Variants in MTMR10 observed in about 807,000 individuals in gnomAD.
The protein encoded by MTMR10 is myotubularin related protein 10.
In MTMR10, 56 loss-of-function variants were observed where a neutral mutation model predicts 88.1. The ratio of observed to expected loss-of-function variants is 0.64; its 90% CI spans 0.51 to 0.79. MTMR10 has a LOEUF of 0.79. MTMR10 is among the 30% of genes least tolerant of loss of function. The probability of loss-of-function intolerance (pLI) is 0.00; values close to 1 mark genes in which losing one functional copy is unlikely to be tolerated. For synonymous variants in MTMR10, 380 were observed against 340.9 expected (o/e 1.11, Z -1.26); for missense variants, 883 against 924.7 (o/e 0.95, Z 0.58).
the MTMR10 span, among the ~76,000 whole-genome samples, chr15:30,932,970 T>A: frequency 6.6e-6 from 1 of 152,024 alleles, no homozygotes; most frequent in Admixed American, 6.5e-5. Context: ...TCTGCCCACC[T>A]TGGCCTCCCA....
chr15:30,941,465 CT>C lies in MTMR10; in HGVS notation c.*4del, dbSNP rs1566941956. Reference sequence around the variant, plus strand: ...TCCCTCAAAATGTTCAGAAAACACCCTATTTTAGTCTTCATTTGCTAATGTC... The same window carrying C: ...TCCCTCAAAATGTTCAGAAAACACCCATTTTAGTCTTCATTTGCTAATGTC... On this transcript the variant is annotated 3_prime_UTR_variant, in exon 16 of 16. Transcript: ENST00000435680. 6.3e-7 allele frequency: 1 copy of C among 1,597,128 alleles called. No homozygotes were observed. Among genetic ancestry groups the C allele is most frequent in the Admixed American group, 1.7e-5 (1 of 57,806 alleles).
At chr15:30,944,033 C>A (rs117916281) in intron 14 of MTMR10, 68,791 of 981,210 alleles carry the variant, frequency 0.07, 2,600 homozygotes, top group Non-Finnish European at 0.078. Context: ...AAAAAAAACC[C>A]CCAAGAATTT....
At chr15:30,955,437 A>C (rs2063310517) in intron 9 of MTMR10, among the ~76,000 whole-genome samples, 1 of 151,976 alleles carries the variant, frequency 6.6e-6, no homozygotes, top group Non-Finnish European at 1.5e-5. Context: ...CACCTGGCTA[A>C]ATTTCTGTAT....
At chr15:30,937,235 T>C (rs1223570885), downstream of MTMR10, 2 of 1,613,898 alleles carry the variant, frequency 1.2e-6, no homozygotes, top group East Asian at 2.2e-5. Context: ...CAGTTGGAGC[T>C]AAGAGCCAAA....
At chr15:30,984,813 G>C (rs758244241) in intron 2 of MTMR10, among the ~76,000 whole-genome samples, 1 of 152,078 alleles carries the variant, frequency 6.6e-6, no homozygotes, top group East Asian at 1.9e-4. Flanking sequence ...TCAGCACAGG[G>C]GCCCAGGCTC....
rs778793886 is a variant in MTMR10, at chr15:30,947,139, C to T, written c.1539G>A (p.Lys513=). 5 of 1,604,974 alleles carry T rather than the reference C, an allele frequency of 3.1e-6. No homozygotes were observed. Among genetic ancestry groups the T allele is most frequent in the Non-Finnish European group, 8.5e-7 (1 of 1,176,660 alleles). Residue 513 remains lysine (K), a synonymous_variant, in exon 14 of 16, where the codon AAG becomes AAA. Transcript: ENST00000435680. Reference sequence around the variant, plus strand: ...CCACAGGGTTGCTTACCGTGCTTTGCTTCACTCGCTGGTGAGGGGAGTTGA... The same window carrying T: ...CCACAGGGTTGCTTACCGTGCTTTGTTTCACTCGCTGGTGAGGGGAGTTGA... ...FLFNSPHQRV[K]QSTEFAISKN... is the part of the protein sequence containing the mutation.
At chr15:30,927,966 T>C in the MTMR10 span, 1 of 985,760 alleles carries the variant, frequency 1.0e-6, no homozygotes, top group Non-Finnish European at 1.2e-6. Context: ...AAGTGGGTGA[T>C]CTTTAAGGCC....
At position 30,941,889 on chromosome 15, in the gene MTMR10, C is replaced by A. The variant is rs761977871; in HGVS notation, c.1915G>T (p.Ala639Ser). 2 of 1,613,980 alleles carry A rather than the reference C, an allele frequency of 1.2e-6. No homozygotes were observed. Among genetic ancestry groups the A allele is most frequent in the Admixed American group, 3.3e-5 (2 of 60,024 alleles). Residue 639 changes from alanine to serine, a missense_variant, in exon 16 of 16, where the codon GCC (alanine) becomes TCC (serine). Ala to Ser is a moderately conservative substitution (Grantham distance 99, BLOSUM62 1). Transcript: ENST00000435680. ...QYFREWFSKP[A>S]NLHGVILPRV... ...GGCAGAATAACACCGTGCAGGTTGGCGGGTTTGGAAAACCATTCTCTAAAA... is the reference window on the plus strand; with the variant it reads ...GGCAGAATAACACCGTGCAGGTTGGAGGGTTTGGAAAACCATTCTCTAAAA...
At chr15:30,947,021 A>G in intron 14 of MTMR10, 109 bp downstream of exon 14, 1 of 1,356,198 alleles carries the variant, frequency 7.4e-7, no homozygotes, top group Non-Finnish European at 1.0e-6. Flanking sequence ...AATGGCAGTA[A>G]GAATTTTAAA....
At position 30,940,104 on chromosome 15, in the gene MTMR10, A is replaced by C; in HGVS notation, c.*1366T>G. On this transcript the variant is annotated 3_prime_UTR_variant, in exon 16 of 16. Transcript: ENST00000435680. Reference sequence around the variant, plus strand: ...GCTAACTAGACACTTTACTATAAAAATTTTCCATATCTTAGGATGGCAGTT... The same window carrying C: ...GCTAACTAGACACTTTACTATAAAACTTTTCCATATCTTAGGATGGCAGTT... 1.0e-6 allele frequency: 1 copy of C among 985,158 alleles called. No individual in the cohort carries two copies. The highest frequency in any genetic ancestry group is 1.2e-6 in the Non-Finnish European group (1 of 829,674). The allele number at this position is 985,158 out of a possible 1,614,324, so 61.0% of individuals were successfully genotyped here. A position where few individuals can be genotyped will look rare whatever the true frequency, so the allele number is the denominator to read the frequency against.
chr15:30,966,767 CTT>C (rs1393619373), intron 6 of MTMR10, among the ~76,000 whole-genome samples: 12 of 151,590 alleles, frequency 7.9e-5, no homozygotes, highest in Non-Finnish European at 1.8e-4. Flanking sequence ...GTTACAAATA[CTT>C]TTGTTATACA....
At chr15:30,978,672 A>G (rs762397416) in intron 2 of MTMR10, among the ~76,000 whole-genome samples, 2 of 152,218 alleles carry the variant, frequency 1.3e-5, no homozygotes, top group Admixed American at 6.5e-5. Flanking sequence ...CTTAATACAC[A>G]GATAAAGGAT....
chr15:30,966,889 T>G (rs953427311), intron 6 of MTMR10, among the ~76,000 whole-genome samples: 7 of 149,714 alleles, frequency 4.7e-5, no homozygotes, highest in Middle Eastern at 3.5e-3. Context: ...CTCTCAGTGC[T>G]TAACAGAAAG....
At position 30,947,190 on chromosome 15, in the gene MTMR10, C is replaced by T; in HGVS notation, c.1488G>A (p.Arg496=). ...TYLAVLYDST[R]ISLFGTFLFN... Reference sequence around the variant, plus strand: ...ACAGGAAGGTGCCAAACAGTGAGATCCGGGTGCTGTCATACAACACTGCCA... The same window carrying T: ...ACAGGAAGGTGCCAAACAGTGAGATTCGGGTGCTGTCATACAACACTGCCA... Residue 496 remains arginine, a synonymous_variant, in exon 14 of 16, where the codon CGG becomes CGA. Transcript: ENST00000435680. 6.2e-7 allele frequency: 1 copy of T among 1,613,930 alleles called. No homozygotes were observed. The highest frequency in any genetic ancestry group is 1.7e-5 in the Admixed American group (1 of 59,998).
the MTMR10 span, among the ~76,000 whole-genome samples, chr15:30,929,884 TATATC>T: frequency 1.1e-5 from 1 of 87,262 alleles, no homozygotes; most frequent in Non-Finnish European, 2.0e-5. Flanking sequence ...ATATATAATA[TATATC>T]ATATATAATA....
At chr15:30,925,309 G>T in the MTMR10 span, 2 of 1,610,102 alleles carry the variant, frequency 1.2e-6, no homozygotes, top group Non-Finnish European at 1.7e-6. Flanking sequence ...AAGAGCCTGT[G>T]GGTGCTTTGG....
At position 30,941,243 on chromosome 15, in the gene MTMR10, A is replaced by G. The variant is rs1050794279; in HGVS notation, c.*227T>C. The G allele has an allele frequency of 2.8e-6, 4 of 1,443,106 alleles. No homozygotes were observed. The African/African-American group carries it at 5.6e-5, about 20-fold the overall frequency. The allele number at this position is 1,443,106 out of a possible 1,614,324, so 89.4% of individuals were successfully genotyped here. A position where few individuals can be genotyped will look rare whatever the true frequency, so the allele number is the denominator to read the frequency against. On this transcript the variant is annotated 3_prime_UTR_variant, in exon 16 of 16. Transcript: ENST00000435680. ...ACATGAACAGTTTGATCACGGTTAC[A>G]AGAGCCAGACCTGTAATGACAGAAA... is the stretch of plus-strand genomic sequence containing the variant.
In MTMR10 at chr15:30,951,638, T is replaced by G. The variant is rs1036714078; in HGVS notation, c.1207+330A>C. On this transcript the variant is annotated intron_variant, in intron 12 of 15. Coordinates refer to ENST00000435680, the MANE Select transcript of MTMR10 (RefSeq NM_017762.3). ...CCTCGGCCTCCCGAGTAGCTGAGAC[T>G]ACAGGCGCACACCACCACTCCTGAC... Among the ~76,000 whole-genome samples, 3 of 152,274 alleles carry G rather than the reference T, an allele frequency of 2.0e-5. No homozygotes were observed. In the East Asian group the frequency reaches 5.8e-4, roughly 29 times the overall value.
chr15:30,958,013 C>T (rs963277706), intron 9 of MTMR10, among the ~76,000 whole-genome samples: 12 of 152,166 alleles, frequency 7.9e-5, no homozygotes, highest in African/African-American at 2.9e-4. Context: ...AAGAGGAAGG[C>T]ATCCAGGATG....
Sources: allele counts gnomAD v4.1 joint callset (sites outside exome capture counted in the v4.1 genomes callset), GRCh38; gene constraint gnomAD v4.1.1; transcripts MANE v1.5; gene names NCBI Gene and HGNC (gene_info 2026-07-23, HGNC 2026-07-21).